The following IREB2 variants were observed in gnomAD, a reference collection of about 807,000 sequenced individuals.
The protein encoded by IREB2 is iron-responsive element-binding protein 2.
In IREB2, 39 loss-of-function variants were observed where a neutral mutation model predicts 118.8. That is an observed-to-expected ratio of 0.33 (90% CI 0.25 to 0.43). IREB2 has a LOEUF of 0.43. IREB2 is among the 20% of genes least tolerant of loss of function. The pLI is 1.00. For synonymous variants in IREB2, 372 were observed against 392.2 expected, an observed-to-expected ratio of 0.95 and a Z score of 0.61; for missense variants, 900 against 1,147.3, an observed-to-expected ratio of 0.78 and a Z score of 3.11.
intron 2 of IREB2, among the ~76,000 whole-genome samples, chr15:78,461,430 A>G (rs2051194598): frequency 6.6e-6 from 1 of 152,188 alleles, no homozygotes; most frequent in African/African-American, 2.4e-5. Context: ...TACTGCATCT[A>G]GCTCTTAGAA....
At chr15:78,438,488 TC>T (rs923559024) in intron 1 of IREB2, 132 bp downstream of exon 1, 4 of 1,030,368 alleles carry the variant, frequency 3.9e-6, no homozygotes, top group Non-Finnish European at 5.9e-6. Context: ...TGTGCTCCCC[TC>T]GGGGCCTGCC....
chr15:78,470,407 AGTTC>A, intron 5 of IREB2, 121 bp from the exon 6 acceptor site: 1 of 549,676 alleles, frequency 1.8e-6, no homozygotes, highest in South Asian at 3.8e-5. Flanking sequence ...CCTAGTAAAT[AGTTC>A]TTCCAAGGAT....
intron 7 of IREB2, among the ~76,000 whole-genome samples, chr15:78,472,721 T>A (rs557195949): frequency 6.6e-6 from 1 of 152,356 alleles, no homozygotes; most frequent in Non-Finnish European, 1.5e-5. Flanking sequence ...TCTGGAAGAA[T>A]GCTTTCTGCC....
intron 5 of IREB2, among the ~76,000 whole-genome samples, chr15:78,468,209 T>C (rs960487127): frequency 2.0e-5 from 3 of 152,196 alleles, no homozygotes; most frequent in African/African-American, 7.2e-5. Flanking sequence ...TTTAAATAAT[T>C]CATGTAAAAT....
intron 2 of IREB2, among the ~76,000 whole-genome samples, chr15:78,446,923 T>G (rs927461365): frequency 1.3e-5 from 2 of 152,136 alleles, no homozygotes; most frequent in African/African-American, 2.4e-5. Context: ...TTTCTGCACC[T>G]TCATCAATAG....
intron 20 of IREB2, 71 bp downstream of exon 20, chr15:78,494,335 C>T: frequency 6.8e-7 from 1 of 1,460,274 alleles, no homozygotes; most frequent in Non-Finnish European, 9.4e-7. Flanking sequence ...CAGTAACATC[C>T]TGTCAAAGTT....
At chr15:78,465,630 G>A (rs1225841370) in intron 4 of IREB2, among the ~76,000 whole-genome samples, 3 of 152,106 alleles carry the variant, frequency 2.0e-5, no homozygotes, top group Non-Finnish European at 1.5e-5. Flanking sequence ...GCTTTTTGGA[G>A]TGAACCTCTG....
chr15:78,473,142 T>C, intron 7 of IREB2, 100 bp from the exon 8 acceptor site: 1 of 1,119,080 alleles, frequency 8.9e-7, no homozygotes, highest in Non-Finnish European at 1.3e-6. Flanking sequence ...TGCAAAGTAC[T>C]GTGTAAGATA....
At chr15:78,463,285 T>C (rs1202319125) in intron 3 of IREB2, among the ~76,000 whole-genome samples, 198 bp downstream of exon 3, 5 of 152,044 alleles carry the variant, frequency 3.3e-5, no homozygotes, top group Non-Finnish European at 5.9e-5. Flanking sequence ...CAAAAAAATT[T>C]TTTTAATTAG....
At chr15:78,491,657 C>T (rs2051753271) in intron 18 of IREB2, among the ~76,000 whole-genome samples, 1 of 152,032 alleles carries the variant, frequency 6.6e-6, no homozygotes, top group Non-Finnish European at 1.5e-5. Context: ...GCCACCATGC[C>T]CAGCAAGTTT....
At chr15:78,450,978 T>C (rs2051016533) in intron 2 of IREB2, among the ~76,000 whole-genome samples, 1 of 152,084 alleles carries the variant, frequency 6.6e-6, no homozygotes, top group Non-Finnish European at 1.5e-5. Flanking sequence ...CTGTAGAAGC[T>C]TATTTCATTC....
chr15:78,497,480 G>A, intron 21 of IREB2, 169 bp downstream of exon 21: 1 of 592,918 alleles, frequency 1.7e-6, no homozygotes, highest in Non-Finnish European at 2.9e-6. Context: ...AATAGTTCAT[G>A]TTCTCTGAGG....
Position 78,482,262 on chromosome 15 carries a change from G to A in IREB2, c.1297-1056G>A, listed in dbSNP as rs574090980. On this transcript the variant is annotated intron_variant, in intron 10 of 21. Coordinates refer to ENST00000258886, the MANE Select transcript of IREB2 (RefSeq NM_004136.4). Reference sequence around the variant, plus strand: ...ATAATAATAATAATAAATAAATACAGTGTAAGTAGTTGGATCAGTCAGAAT... The same window carrying A: ...ATAATAATAATAATAAATAAATACAATGTAAGTAGTTGGATCAGTCAGAAT... Among the ~76,000 whole-genome samples the A allele has an allele frequency of 6.6e-5, 10 of 152,110 alleles. No homozygotes were observed. In the South Asian group the frequency reaches 1.2e-3, roughly 19 times the overall value.
intron 3 of IREB2, among the ~76,000 whole-genome samples, 196 bp downstream of exon 3, chr15:78,463,283 T>A (rs531779696): frequency 2.6e-5 from 4 of 152,056 alleles, no homozygotes; most frequent in East Asian, 1.9e-4. Flanking sequence ...TACAAAAAAA[T>A]TTTTTTAATT....
intron 2 of IREB2, among the ~76,000 whole-genome samples, chr15:78,455,004 T>TA (rs2051083609): frequency 6.6e-6 from 1 of 151,834 alleles, no homozygotes; most frequent in African/African-American, 2.4e-5. Context: ...AAGTTAGTTT[T>TA]AAAAAAGAGA....
At chr15:78,473,524 T>A in intron 8 of IREB2, 143 bp downstream of exon 8, 1 of 629,476 alleles carries the variant, frequency 1.6e-6, no homozygotes, top group Non-Finnish European at 2.8e-6. Flanking sequence ...GTTATCATAG[T>A]AATAACAACA....
intron 3 of IREB2, among the ~76,000 whole-genome samples, chr15:78,464,075 T>C (rs2051241538): frequency 6.6e-6 from 1 of 152,226 alleles, no homozygotes; most frequent in Non-Finnish European, 1.5e-5. Flanking sequence ...TCTCTATCAC[T>C]GTCATTGTGG....
intron 5 of IREB2, among the ~76,000 whole-genome samples, chr15:78,469,222 A>G (rs577338700): frequency 1.3e-5 from 2 of 152,302 alleles, no homozygotes; most frequent in South Asian, 2.1e-4. Flanking sequence ...TGGCACTTCA[A>G]ATTACCCCCT....
At chr15:78,441,254 T>G (rs886964842) in intron 2 of IREB2, among the ~76,000 whole-genome samples, 1 of 152,240 alleles carries the variant, frequency 6.6e-6, no homozygotes, top group African/African-American at 2.4e-5. Flanking sequence ...TTTGCCAAAA[T>G]GAGAGCAATA....
Sources: allele counts gnomAD v4.1 joint callset (sites outside exome capture counted in the v4.1 genomes callset), GRCh38; gene constraint gnomAD v4.1.1; transcripts MANE v1.5; gene names NCBI Gene and HGNC (gene_info 2026-07-23, HGNC 2026-07-21).